SPTBN1: variants seen among roughly 807,000 people sequenced by gnomAD.
SPTBN1 encodes spectrin beta chain, non-erythrocytic 1.
A neutral mutation model predicts 266.4 loss-of-function variants in SPTBN1; 32 were observed. The observed-to-expected ratio is 0.12, with a 90% CI of 0.09 to 0.16. The LOEUF is 0.16. Among genes scored for constraint, SPTBN1 ranks in the 10% least tolerant of loss-of-function variants. The pLI is 1.00. For missense variants in SPTBN1, 2,296 were observed against 3,067.1 expected, an observed-to-expected ratio of 0.75 and a Z score of 5.94; for synonymous variants, 1,336 against 1,162.2, an observed-to-expected ratio of 1.15 and a Z score of -3.04.
At position 54,649,133 on chromosome 2, in the gene SPTBN1, T is replaced by C; in HGVS notation, c.5145T>C (p.Ala1715=). 6.2e-7 allele frequency: 1 copy of C among 1,612,880 alleles called. No homozygotes were observed. The highest frequency in any genetic ancestry group is 2.2e-5 in the East Asian group (1 of 44,838). Residue 1715 remains alanine, a synonymous_variant, in exon 25 of 36, where the codon GCT becomes GCC. Transcript: ENST00000356805. This position sits in a 1 kb window ranked among gnomAD's most constrained non-coding sequence, Gnocchi z 6.7. ...REVDDLEQWI[A]EREVVAGSHE... Reference sequence around the variant, plus strand: ...TGGACGACCTGGAGCAGTGGATCGCTGAGAGGGAGGTGGTCGCAGGGTCCC... The same window carrying C: ...TGGACGACCTGGAGCAGTGGATCGCCGAGAGGGAGGTGGTCGCAGGGTCCC...
chr2:54,480,645 T>A (rs1668047189), intron 1 of SPTBN1, among the ~76,000 whole-genome samples: 1 of 152,202 alleles, frequency 6.6e-6, no homozygotes, highest in Admixed American at 6.5e-5. Context: ...GTTAATTTTT[T>A]AAAAAATCCA....
At chr2:54,474,555 G>A (rs1479078424) in intron 1 of SPTBN1, among the ~76,000 whole-genome samples, 1 of 152,008 alleles carries the variant, frequency 6.6e-6, no homozygotes, top group African/African-American at 2.4e-5. Flanking sequence ...TTAGACTAGT[G>A]CCTGGAAATA....
intron 18 of SPTBN1, 142 bp downstream of exon 18, chr2:54,637,945 G>A (rs1014295054): frequency 1.7e-5 from 11 of 652,700 alleles, no homozygotes; most frequent in Non-Finnish European, 2.9e-5. Context: ...GCAGGGATAC[G>A]TGGCACTTCA....
chr2:54,483,090 A>T (rs556420474), intron 1 of SPTBN1, among the ~76,000 whole-genome samples: 3 of 152,284 alleles, frequency 2.0e-5, no homozygotes, highest in Middle Eastern at 3.4e-3. Context: ...GAGCCGAGGA[A>T]TGCCCTGGAA....
intron 8 of SPTBN1, 63 bp downstream of exon 8, chr2:54,621,575 C>G: frequency 3.0e-6 from 4 of 1,352,326 alleles, no homozygotes; most frequent in Non-Finnish European, 4.2e-6. Flanking sequence ...CCCTCATTCT[C>G]CCATGCACTC....
intron 1 of SPTBN1, among the ~76,000 whole-genome samples, chr2:54,485,365 A>AT (rs975788363): frequency 7.9e-5 from 12 of 151,430 alleles, no homozygotes; most frequent in African/African-American, 1.9e-4. Flanking sequence ...TGGTTTTCGT[A>AT]TTTTTTTGGT....
intron 2 of SPTBN1, among the ~76,000 whole-genome samples, chr2:54,532,623 A>C (rs774556967): frequency 5.3e-5 from 8 of 152,222 alleles, no homozygotes; most frequent in Non-Finnish European, 1.2e-4. Flanking sequence ...AGCACAGTGA[A>C]GTAGTTTTTA....
At position 54,538,250 on chromosome 2, in the gene SPTBN1, G is replaced by A. The variant is rs993746343; in HGVS notation, c.148+11684G>A. ...ATGCCTTTAACATGGTGTTTCATTT[G>A]CATTGAAGTTATTGTCTTGTGAATA... On this transcript the variant is annotated intron_variant, in intron 2 of 35. Coordinates refer to ENST00000356805, the MANE Select transcript of SPTBN1 (RefSeq NM_003128.3). Among the ~76,000 whole-genome samples the A allele has an allele frequency of 4.6e-5, 7 of 152,154 alleles. No individual in the cohort carries two copies. The East Asian group carries it at 1.2e-3, about 25-fold the overall frequency.
intron 1 of SPTBN1, among the ~76,000 whole-genome samples, chr2:54,459,222 A>G (rs1693232134): frequency 6.6e-6 from 1 of 152,202 alleles, no homozygotes; most frequent in Non-Finnish European, 1.5e-5. Context: ...TGAGAGGAGA[A>G]GTATTGGGCA....
chr2:54,666,215 A>G, intron 34 of SPTBN1, 127 bp downstream of exon 34: 1 of 1,046,760 alleles, frequency 9.6e-7, no homozygotes, highest in Non-Finnish European at 1.4e-6. Context: ...ATCCCCAATA[A>G]AGTGAAAAAC....
Position 54,645,136 on chromosome 2 carries a change from G to A in SPTBN1, c.4270-93G>A. The A allele has an allele frequency of 2.9e-6, 4 of 1,369,104 alleles. No individual in the cohort carries two copies. Among genetic ancestry groups the A allele is most frequent in the Admixed American group, 2.0e-5 (1 of 50,736 alleles). The allele number at this position is 1,369,104 out of a possible 1,614,324, so 84.8% of individuals were successfully genotyped here. A position where few individuals can be genotyped will look rare whatever the true frequency, so the allele number is the denominator to read the frequency against. On this transcript the variant is annotated intron_variant, in intron 20 of 35. Transcript: ENST00000356805. This position sits in a 1 kb window ranked among gnomAD's most constrained non-coding sequence, Gnocchi z 4.3. ...TGGCTCCCATGGCTGGCTTTGCGGTGTGGCCAAGTCCCAGGCCCAGCAGTT... is the reference window on the plus strand; with the variant it reads ...TGGCTCCCATGGCTGGCTTTGCGGTATGGCCAAGTCCCAGGCCCAGCAGTT...
Position 54,621,411 on chromosome 2 carries a change from G to C in SPTBN1, c.775G>C (p.Asp259His), listed in dbSNP as rs769056045. 1 of 1,613,662 alleles carries C rather than the reference G, an allele frequency of 6.2e-7. No individual in the cohort carries two copies. Among genetic ancestry groups the C allele is most frequent in the Admixed American group, 1.7e-5 (1 of 60,022 alleles). The change falls in exon 8 of 36, where the codon GAC becomes CAC. Residue 259 changes from aspartate (D) to histidine (H), a missense_variant. Asp to His is a moderately conservative substitution (Grantham distance 81). Coordinates refer to ENST00000356805, the MANE Select transcript of SPTBN1 (RefSeq NM_003128.3). ...KLLDPEDISV[D>H]HPDEKSIITY... ...TCTCTGGGTTACAGACATCAGCGTG[G>C]ACCATCCTGATGAGAAGTCCATAAT...
At chr2:54,660,169 A>G (rs1411160514) in intron 32 of SPTBN1, 170 bp downstream of exon 32, 1 of 1,520,518 alleles carries the variant, frequency 6.6e-7, no homozygotes, top group Non-Finnish European at 8.8e-7. Context: ...CCAAAATGTT[A>G]AAATTTTTAC....
intron 1 of SPTBN1, among the ~76,000 whole-genome samples, chr2:54,471,244 T>C (rs1034457457): frequency 4.6e-5 from 7 of 152,258 alleles, no homozygotes; most frequent in Middle Eastern, 3.4e-3. Flanking sequence ...AAGAACAGAA[T>C]GTAGGCAGTG....
chr2:54,653,469 T>C lies in SPTBN1; in HGVS notation c.5578-140T>C, dbSNP rs1680439804. 1.5e-6 allele frequency: 2 copies of C among 1,368,542 alleles called. No individual in the cohort carries two copies. The highest frequency in any genetic ancestry group is 1.5e-5 in the South Asian group (1 of 65,212). The allele number at this position is 1,368,542 out of a possible 1,614,324, so 84.8% of individuals were successfully genotyped here. On this transcript the variant is annotated intron_variant, in intron 26 of 35. Coordinates refer to ENST00000356805, the MANE Select transcript of SPTBN1 (RefSeq NM_003128.3). The surrounding 1 kb of genome is among the most constrained non-coding windows in gnomAD (Gnocchi z 5.1). ...TGTGACTTGGATCTCCCCAGTGAAA[T>C]TGAGGGCTCCTTAAGGGGCATGGGC... is the stretch of plus-strand genomic sequence containing the variant.
At chr2:54,524,756 C>T (rs537359061) in intron 1 of SPTBN1, among the ~76,000 whole-genome samples, 1 of 152,384 alleles carries the variant, frequency 6.6e-6, no homozygotes, top group Admixed American at 6.5e-5. Context: ...GTCTCTCCCG[C>T]TGCCCACTAG....
intron 17 of SPTBN1, among the ~76,000 whole-genome samples, chr2:54,636,703 C>G (rs529890141): frequency 1.3e-5 from 2 of 152,348 alleles, no homozygotes; most frequent in African/African-American, 4.8e-5. Flanking sequence ...TGTGCAGGCA[C>G]AGGCAGAGAG....
chr2:54,546,523 CTG>C (rs1184653775), intron 2 of SPTBN1: 1 of 152,146 alleles, frequency 6.6e-6, no homozygotes, highest in Non-Finnish European at 1.5e-5. Flanking sequence ...TTTATTTCCC[CTG>C]TGTTTTGAGG....
rs1671844982 is a variant in SPTBN1, at chr2:54,540,047, A to G, written c.148+13481A>G. On this transcript the variant is annotated intron_variant, in intron 2 of 35. Coordinates refer to ENST00000356805, the MANE Select transcript of SPTBN1 (RefSeq NM_003128.3). This position sits in a 1 kb window ranked among gnomAD's most constrained non-coding sequence, Gnocchi z 5.6. Reference sequence around the variant, plus strand: ...AAATGATCTTTCTCCCTACCATGTGAGAATCTGAGAGGATGGCTGTCTGTA... The same window carrying G: ...AAATGATCTTTCTCCCTACCATGTGGGAATCTGAGAGGATGGCTGTCTGTA... 6.6e-6 allele frequency among the ~76,000 whole-genome samples: 1 copy of G among 152,172 alleles called. No homozygotes were observed. The highest frequency in any genetic ancestry group is 2.4e-5 in the African/African-American group (1 of 41,434).
Sources: allele counts gnomAD v4.1 joint callset (sites outside exome capture counted in the v4.1 genomes callset), GRCh38; gene constraint gnomAD v4.1.1; non-coding constraint Gnocchi (gnomAD v3.1); transcripts MANE v1.5; gene names NCBI Gene and HGNC (gene_info 2026-07-23, HGNC 2026-07-21).